Variants in PRSS1 observed in about 807,000 individuals in gnomAD.
PRSS1 encodes the protein serine protease 1.
In PRSS1, 22 loss-of-function variants were observed where a neutral mutation model predicts 24.2. The observed-to-expected ratio is 0.91, with a 90% CI of 0.65 to 1.30. PRSS1 has a LOEUF of 1.30. Among genes scored for constraint, PRSS1 ranks in the 50% most tolerant of loss-of-function variants. PRSS1 has a pLI of 0.00. For missense variants in PRSS1, 366 were observed against 304.2 expected (o/e 1.20, Z -1.51); for synonymous variants, 126 against 116.1 (o/e 1.08, Z -0.55).
intron 1 of PRSS1, 97 bp downstream of exon 1, chr7:142,749,621 T>G: frequency 6.7e-7 from 1 of 1,483,392 alleles, no homozygotes. Context: ...TTGACTGTGC[T>G]CTGATATTCC....
rs1798601228 is a variant in PRSS1 at position 142,750,413 on chromosome 7, C to G, written c.41-142C>G. On this transcript the variant is annotated intron_variant, in intron 1 of 4. Coordinates refer to ENST00000311737, the MANE Select transcript of PRSS1 (RefSeq NM_002769.5). Reference sequence around the variant, plus strand: ...TGGGAGCCACAGGCAGTGATGATCACCAGGGGTGGCAGAGCTCCCTCCCTT... The same window carrying G: ...TGGGAGCCACAGGCAGTGATGATCAGCAGGGGTGGCAGAGCTCCCTCCCTT... 7.7e-6 allele frequency: 4 copies of G among 518,916 alleles called. No homozygotes were observed. The Admixed American group carries it at 1.9e-4, about 24-fold the overall frequency. The allele number at this position is 518,916 out of a possible 1,614,324, so 32.1% of individuals were successfully genotyped here.
chr7:142,752,145 T>G, intron 3 of PRSS1, 118 bp downstream of exon 3: 8 of 1,496,714 alleles, frequency 5.3e-6, no homozygotes, highest in Non-Finnish European at 7.4e-6. Context: ...GAGTGCCCAT[T>G]ACACACAGAC....
Position 142,750,666 on chromosome 7 carries a change from C to T in PRSS1, c.152C>T (p.Ser51Phe). ...TCTGGCTACCACTTCTGTGGTGGCT[C>T]CCTCATCAACGAACAGTGGGTGGTA... Reference protein sequence around the residue: ...LNSGYHFCGGSLINEQWVVSA... With the variant: ...LNSGYHFCGGFLINEQWVVSA... Residue 51 changes from serine (S) to phenylalanine (F), a missense_variant, in exon 2 of 5, where the codon TCC (serine) becomes TTC (phenylalanine). Physicochemically the swap from Ser to Phe is radical, Grantham distance 155. Transcript: ENST00000311737. The T allele has an allele frequency of 6.2e-7, 1 of 1,613,974 alleles. No homozygotes were observed. The highest frequency in any genetic ancestry group is 8.5e-7 in the Non-Finnish European group (1 of 1,179,854).
chr7:142,752,503 CT>C lies in PRSS1; in HGVS notation c.528del (p.Gly177GlufsTer60). ...CAGGCTAAGTGTGAAGCCTCCTACC[CT>C]GGAAAGATTACCAGCAACATGTTCT... Reference protein sequence around the residue: ...LSQAKCEASYPGKITSNMFCV... With the variant: ...LSQAKCEASYXGKITSNMFCV... On this transcript the variant is annotated frameshift_variant, in exon 4 of 5. Transcript: ENST00000311737. LOFTEE classifies it high-confidence loss of function. 6.2e-7 allele frequency: 1 copy of C among 1,614,226 alleles called. No individual in the cohort carries two copies. Among genetic ancestry groups the C allele is most frequent in the Non-Finnish European group, 8.5e-7 (1 of 1,180,028 alleles).
At chr7:142,750,007 G>A (rs1177578994) in intron 1 of PRSS1, among the ~76,000 whole-genome samples, 1 of 152,186 alleles carries the variant, frequency 6.6e-6, no homozygotes, top group African/African-American at 2.4e-5. Context: ...ATGCAGCCAA[G>A]GTTAAGAATT....
At chr7:142,751,501 A>C (rs931544411) in intron 2 of PRSS1, 7 of 607,126 alleles carry the variant, frequency 1.2e-5, no homozygotes, top group African/African-American at 9.3e-5. Context: ...AGATTGTGGG[A>C]AAGAGTCTGG....
intron 1 of PRSS1, 34 bp downstream of exon 1, chr7:142,749,558 C>G (rs202051517): frequency 5.9e-6 from 6 of 1,025,430 alleles, no homozygotes; most frequent in Non-Finnish European, 6.3e-6. Context: ...GCCCCAACCA[C>G]CCCCCCGTTC....
chr7:142,749,494 C>T lies in PRSS1; in HGVS notation c.10C>T (p.Leu4Phe). Reference sequence around the variant, plus strand: ...GGCACACTCTACCACCATGAATCCACTCCTGATCCTTACCTTTGTGGCAGC... The same window carrying T: ...GGCACACTCTACCACCATGAATCCATTCCTGATCCTTACCTTTGTGGCAGC... MNP[L>F]LILTFVAAAL... Residue 4 changes from leucine to phenylalanine, a missense_variant, in exon 1 of 5, where the codon CTC becomes TTC. Coordinates refer to ENST00000311737, the MANE Select transcript of PRSS1 (RefSeq NM_002769.5). The T allele has an allele frequency of 1.2e-6, 2 of 1,614,184 alleles. No individual in the cohort carries two copies.
rs1315577359 is a variant in PRSS1 at position 142,750,729 on chromosome 7, C to T, written c.200+15C>T. The T allele has an allele frequency of 2.5e-6, 4 of 1,606,902 alleles. No individual in the cohort carries two copies. The highest frequency in any genetic ancestry group is 3.4e-6 in the Non-Finnish European group (4 of 1,178,444). On this transcript the variant is annotated intron_variant, in intron 2 of 4. Coordinates refer to ENST00000311737, the MANE Select transcript of PRSS1 (RefSeq NM_002769.5). ...TGCTACAAGTCGTAAGTGTGGGGCC[C>T]CCGACTGCAAAGCTCCCGGCCAGTC...
rs1223231582 is a variant in PRSS1 at position 142,750,639 on chromosome 7, A to G, written c.125A>G (p.Asn42Ser). 6.2e-7 allele frequency: 1 copy of G among 1,613,904 alleles called. No homozygotes were observed. The highest frequency in any genetic ancestry group is 8.5e-7 in the Non-Finnish European group (1 of 1,179,872). Residue 42 changes from asparagine to serine, a missense_variant, in exon 2 of 5, where the codon AAT (asparagine) becomes AGT (serine). Coordinates refer to ENST00000311737, the MANE Select transcript of PRSS1 (RefSeq NM_002769.5). ...TCTGTCCCCTACCAGGTGTCCCTGA[A>G]TTCTGGCTACCACTTCTGTGGTGGC... Reference protein sequence around the residue: ...ENSVPYQVSLNSGYHFCGGSL... With the variant: ...ENSVPYQVSLSSGYHFCGGSL...
rs1798780439 is a variant in PRSS1, at chr7:142,752,009, A to T, written c.436A>T (p.Asn146Tyr). The T allele has an allele frequency of 1.2e-6, 2 of 1,614,156 alleles. No homozygotes were observed. The highest frequency in any genetic ancestry group is 1.7e-6 in the Non-Finnish European group (2 of 1,180,018). ...GTKCLISGWGNTASSGADYPD... is the reference protein window; with the variant it reads ...GTKCLISGWGYTASSGADYPD... ...GAAGTGCCTCATCTCTGGCTGGGGC[A>T]ACACTGCGAGCTCTGGCGGTGAGTG... Residue 146 changes from asparagine (N) to tyrosine (Y), a missense_variant, in exon 3 of 5, where the codon AAC (asparagine) becomes TAC (tyrosine). Asn to Tyr is a moderately radical substitution (Grantham distance 143). Transcript: ENST00000311737.
Position 142,751,978 on chromosome 7 carries a change from T to G in PRSS1, c.405T>G (p.Thr135=), listed in dbSNP as rs751042949. Reference sequence around the variant, plus strand: ...CTCTGCCCACCGCCCCTCCAGCCACTGGCACGAAGTGCCTCATCTCTGGCT... The same window carrying G: ...CTCTGCCCACCGCCCCTCCAGCCACGGGCACGAAGTGCCTCATCTCTGGCT... The part of the protein sequence containing the change: ...TISLPTAPPA[T]GTKCLISGWG... Residue 135 remains threonine (T), a synonymous_variant, in exon 3 of 5, where the codon ACT becomes ACG. Transcript: ENST00000311737. 1 of 1,614,106 alleles carries G rather than the reference T, an allele frequency of 6.2e-7. No individual in the cohort carries two copies. The highest frequency in any genetic ancestry group is 8.5e-7 in the Non-Finnish European group (1 of 1,180,016).
In PRSS1 at chr7:142,752,477, C is replaced by T. The variant is rs763453065; in HGVS notation, c.501C>T (p.Ser167=). 1 of 1,614,030 alleles carries T rather than the reference C, an allele frequency of 6.2e-7. No individual in the cohort carries two copies. The change falls in exon 4 of 5, where the codon AGC becomes AGT. Residue 167 remains serine, a synonymous_variant. Transcript: ENST00000311737. ...AGTGCCTGGATGCTCCTGTGCTGAG[C>T]CAGGCTAAGTGTGAAGCCTCCTACC... ...ELQCLDAPVL[S]QAKCEASYPG...
Position 142,749,609 on chromosome 7 carries a change from T to C in PRSS1, c.40+85T>C. The C allele has an allele frequency of 4.0e-6, 6 of 1,515,386 alleles. No homozygotes were observed. The South Asian group carries it at 6.8e-5, about 17-fold the overall frequency. The allele number at this position is 1,515,386 out of a possible 1,614,324, so 93.9% of individuals were successfully genotyped here. On this transcript the variant is annotated intron_variant, in intron 1 of 4. Transcript: ENST00000311737. ...CCTTCCATTCTTACCACCTCTCCTC[T>C]TTTGACTGTGCTCTGATATTCCGTT...
At chr7:142,752,678 C>T (rs1440644584) in intron 4 of PRSS1, 111 bp downstream of exon 4, 31 of 1,556,870 alleles carry the variant, frequency 2.0e-5, no homozygotes, top group Admixed American at 1.2e-4. Context: ...CCCTGCAGTG[C>T]CCACATGGAG....
chr7:142,753,014 T>C lies in PRSS1; in HGVS notation c.738T>C (p.Asn246=), dbSNP rs6667. ...VKWIKNTIAA[N]S ...GGATTAAGAACACCATAGCTGCCAATAGCTAAAGCCCCCAGTATCTCTTCA... is the reference window on the plus strand; with the variant it reads ...GGATTAAGAACACCATAGCTGCCAACAGCTAAAGCCCCCAGTATCTCTTCA... The change falls in exon 5 of 5, where the codon AAT becomes AAC. Residue 246 remains asparagine, a synonymous_variant. Coordinates refer to ENST00000311737, the MANE Select transcript of PRSS1 (RefSeq NM_002769.5). The C allele has an allele frequency of 0.54, 875,518 of 1,609,686 alleles. 244,145 individuals carry two copies. Among genetic ancestry groups the C allele is most frequent in the Non-Finnish European group, 0.58 (679,455 of 1,178,984 alleles).
intron 1 of PRSS1, 98 bp downstream of exon 1, chr7:142,749,622 CT>C: frequency 2.7e-6 from 4 of 1,480,740 alleles, no homozygotes; most frequent in Non-Finnish European, 3.8e-6. Context: ...TGACTGTGCT[CT>C]GATATTCCGT....
In PRSS1 at chr7:142,752,034, G is replaced by T. The variant is rs755175379; in HGVS notation, c.454+7G>T. ...AACACTGCGAGCTCTGGCGGTGAGT[G>T]GGACCCTTAGTCCTTCTACTTCCCT... is the stretch of plus-strand genomic sequence containing the variant. On this transcript the variant is annotated splice_region_variant and intron_variant, in intron 3 of 4. Coordinates refer to ENST00000311737, the MANE Select transcript of PRSS1 (RefSeq NM_002769.5). The T allele has an allele frequency of 1.9e-6, 3 of 1,613,952 alleles. No homozygotes were observed. The African/African-American group carries it at 4.0e-5, about 22-fold the overall frequency.
At chr7:142,749,621 T>A in intron 1 of PRSS1, 97 bp downstream of exon 1, 1 of 1,483,390 alleles carries the variant, frequency 6.7e-7, no homozygotes, top group Non-Finnish European at 9.4e-7. Context: ...TTGACTGTGC[T>A]CTGATATTCC....
Sources: allele counts gnomAD v4.1 joint callset (sites outside exome capture counted in the v4.1 genomes callset), GRCh38; gene constraint gnomAD v4.1.1; transcripts MANE v1.5; gene names NCBI Gene and HGNC (gene_info 2026-07-23, HGNC 2026-07-21).